Variants in MEX3C observed in about 807,000 individuals in gnomAD.
MEX3C encodes mex-3 RNA binding family member C.
Under a neutral mutation model 35.5 loss-of-function variants are expected in MEX3C, and 15 were observed. That is an observed-to-expected ratio of 0.42 (90% CI 0.28 to 0.65). MEX3C has a LOEUF of 0.65. MEX3C is among the 30% of genes least tolerant of loss of function. The pLI, the probability that MEX3C is intolerant of heterozygous loss-of-function variation, is 0.20. For missense variants in MEX3C, 711 were observed against 842.8 expected, an observed-to-expected ratio of 0.84 and a Z score of 1.94; for synonymous variants, 390 against 352.8, an observed-to-expected ratio of 1.11 and a Z score of -1.18.
At position 51,176,019 on chromosome 18, in the gene MEX3C, T is replaced by G. The variant is rs949214958; in HGVS notation, c.*332A>C. ...CTTTGGGACCCATTGTTTTGAAATC[T>G]TAGACGTATACACTTTTTCATAGGC... On this transcript the variant is annotated 3_prime_UTR_variant, in exon 2 of 2. Transcript: ENST00000406189. 1 of 196,522 alleles carries G rather than the reference T, an allele frequency of 5.1e-6. No individual in the cohort carries two copies. Among genetic ancestry groups the G allele is most frequent in the African/African-American group, 2.3e-5 (1 of 42,864 alleles). 12.2% of individuals were successfully genotyped at this position (196,522 alleles called of 1,614,324 possible).
chr18:51,178,663 T>TAACATGGTG (rs935448603), intron 1 of MEX3C, among the ~76,000 whole-genome samples: 1 of 151,896 alleles, frequency 6.6e-6, no homozygotes, highest in African/African-American at 2.4e-5. Flanking sequence ...CCAGGCTGAC[T>TAACATGGTG]AACATGGTGA....
intron 1 of MEX3C, among the ~76,000 whole-genome samples, chr18:51,178,584 C>T (rs1364861216): frequency 6.6e-6 from 1 of 152,060 alleles, no homozygotes; most frequent in African/African-American, 2.4e-5. Flanking sequence ...AATAAAGAAG[C>T]TAGGTGCTGT....
intron 1 of MEX3C, among the ~76,000 whole-genome samples, chr18:51,178,129 TA>T (rs199644325): frequency 9.8e-4 from 145 of 147,902 alleles, no homozygotes; most frequent in African/African-American, 2.8e-3. Flanking sequence ...AGGGCTGGAA[TA>T]AAAAAAAAAG....
Position 51,197,271 on chromosome 18 carries a change from G to T in MEX3C, c.50C>A (p.Pro17His). 4.7e-6 allele frequency: 4 copies of T among 846,466 alleles called. No homozygotes were observed. The highest frequency in any genetic ancestry group is 5.7e-6 in the Non-Finnish European group (4 of 706,274). The allele number at this position is 846,466 out of a possible 1,614,324, so 52.4% of individuals were successfully genotyped here. ...CGGCGGCGGGGGCGGCTGCGGCAGG[G>T]GGGCCGGGGCCGCCGCCAGGGCCAG... ...AALALAAAPAPLPQPPPPPPP... is the reference protein window; with the variant it reads ...AALALAAAPAHLPQPPPPPPP... The change falls in exon 1 of 2, where the codon CCC (proline) becomes CAC (histidine). Residue 17 changes from proline (P) to histidine (H), a missense_variant. Pro to His is a moderately conservative substitution (Grantham distance 77). This residue lies in a region of MEX3C where 354 missense variants were observed against 311.6 expected (regional missense o/e 1.14). Transcript: ENST00000406189.
At chr18:51,194,641 G>C (rs771864177) in intron 1 of MEX3C, 1 of 152,152 alleles carries the variant, frequency 6.6e-6, no homozygotes, top group African/African-American at 2.4e-5. Flanking sequence ...ATGTTATCTT[G>C]TCCTTCAGTA....
At chr18:51,194,130 T>C (rs1912721941) in intron 1 of MEX3C, 1 of 152,220 alleles carries the variant, frequency 6.6e-6, no homozygotes, top group Non-Finnish European at 1.5e-5. Context: ...TGTAAAAGAA[T>C]GTGAACATTA....
chr18:51,197,552 G>A lies in MEX3C; in HGVS notation c.-232C>T, dbSNP rs1912851005. Reference sequence around the variant, plus strand: ...GAGGTAGGTAACTAGGTGGGTGGGTGGGGACGGCGGCGGGGCGGGCTGGTG... The same window carrying A: ...GAGGTAGGTAACTAGGTGGGTGGGTAGGGACGGCGGCGGGGCGGGCTGGTG... On this transcript the variant is annotated 5_prime_UTR_variant, in exon 1 of 2. Transcript: ENST00000406189. 6.7e-6 allele frequency among the ~76,000 whole-genome samples: 1 copy of A among 149,656 alleles called. No homozygotes were observed. The highest frequency in any genetic ancestry group is 6.6e-5 in the Admixed American group (1 of 15,130).
intron 1 of MEX3C, among the ~76,000 whole-genome samples, chr18:51,189,607 T>C (rs1599255957): frequency 6.6e-6 from 1 of 152,188 alleles, no homozygotes; most frequent in East Asian, 1.9e-4. Flanking sequence ...AAAAGTTTTA[T>C]TATTTGGCCT....
At chr18:51,184,260 T>A (rs1006936465) in intron 1 of MEX3C, among the ~76,000 whole-genome samples, 1 of 152,182 alleles carries the variant, frequency 6.6e-6, no homozygotes, top group African/African-American at 2.4e-5. Flanking sequence ...GGTGAGGACA[T>A]GAGCCGCAGA....
Position 51,177,045 on chromosome 18 carries a change from T to C in MEX3C, c.1286A>G (p.Asn429Ser). The C allele has an allele frequency of 2.5e-6, 4 of 1,613,978 alleles. No homozygotes were observed. The highest frequency in any genetic ancestry group is 2.5e-6 in the Non-Finnish European group (3 of 1,179,884). Residue 429 changes from asparagine (N) to serine (S), a missense_variant, in exon 2 of 2, where the codon AAT becomes AGT. Physicochemically the swap from Asn to Ser is conservative, Grantham distance 46. This residue lies in a region of MEX3C where 187 missense variants were observed against 201.7 expected (regional missense o/e 0.93). Transcript: ENST00000406189. This position sits in a 1 kb window ranked among gnomAD's most constrained non-coding sequence, Gnocchi z 4.2. ...TCTTGCGCGGCTAGGAGGAACAGGA[T>C]TGGAGGAGAGCCACGCAGAGCCAAG... ...GTLGSAWLSS[N>S]PVPPSRARMI... is the part of the protein sequence containing the mutation.
At chr18:51,180,838 C>G (rs559334053) in intron 1 of MEX3C, among the ~76,000 whole-genome samples, 2 of 152,276 alleles carry the variant, frequency 1.3e-5, no homozygotes, top group Non-Finnish European at 2.9e-5. Context: ...TTCTTCACTT[C>G]CCTAAATCTT....
chr18:51,175,033 A>G lies in MEX3C; in HGVS notation c.*1318T>C, dbSNP rs1912267716. ...CATCAAGGCAACTTTTTTTATACTGAAAAAATCAAAATAAAAACCGTTATT... is the reference window on the plus strand; with the variant it reads ...CATCAAGGCAACTTTTTTTATACTGGAAAAATCAAAATAAAAACCGTTATT... On this transcript the variant is annotated 3_prime_UTR_variant, in exon 2 of 2. Coordinates refer to ENST00000406189, the MANE Select transcript of MEX3C (RefSeq NM_016626.5). 1 of 152,678 alleles carries G rather than the reference A, an allele frequency of 6.5e-6. No homozygotes were observed. The highest frequency in any genetic ancestry group is 2.4e-5 in the African/African-American group (1 of 41,462). The allele number at this position is 152,678 out of a possible 1,614,324, so 9.5% of individuals were successfully genotyped here. A position where few individuals can be genotyped will look rare whatever the true frequency, so the allele number is the denominator to read the frequency against.
In MEX3C at chr18:51,196,638, T is replaced by C. The variant is rs1912796026; in HGVS notation, c.683A>G (p.Lys228Arg). The change falls in exon 1 of 2, where the codon AAG (lysine) becomes AGG (arginine). Residue 228 changes from lysine to arginine, a missense_variant. Lys to Arg is a conservative substitution (Grantham distance 26, BLOSUM62 2). Coordinates refer to ENST00000406189, the MANE Select transcript of MEX3C (RefSeq NM_016626.5). Reference sequence around the variant, plus strand: ...GACGCACTCGGTGGTGTTGACGCTCTTTCTCCGGAGCAGGGCCGCCTGCTC... The same window carrying C: ...GACGCACTCGGTGGTGTTGACGCTCCTTCTCCGGAGCAGGGCCGCCTGCTC... ...NGEQAALLRR[K>R]SVNTTECVPV... is the part of the protein sequence containing the mutation. 4 of 1,584,576 alleles carry C rather than the reference T, an allele frequency of 2.5e-6. No individual in the cohort carries two copies. Among genetic ancestry groups the C allele is most frequent in the Admixed American group, 1.7e-5 (1 of 57,800 alleles).
At chr18:51,184,010 T>A (rs113984830) in intron 1 of MEX3C, among the ~76,000 whole-genome samples, 1,954 of 147,596 alleles carry the variant, frequency 0.013, 13 homozygotes, top group African/African-American at 0.022. Context: ...CTTAAAAAAA[T>A]TTTTTTTTTT....
chr18:51,196,764 A>ACCCCCG lies in MEX3C; in HGVS notation c.551_556dup (p.Ala184_Gly185dup). On this transcript the variant is annotated inframe_insertion, in exon 1 of 2. Coordinates refer to ENST00000406189, the MANE Select transcript of MEX3C (RefSeq NM_016626.5). ...CTGGGCATCGTCCCCTCCGTACAGCACCCCCGCCGCCGCCGCCGCGGCCGC... is the reference window on the plus strand; with the variant it reads ...CTGGGCATCGTCCCCTCCGTACAGCACCCCCGCCCCCGCCGCCGCCGCCGCGGCCGC... 5 of 1,494,072 alleles carry ACCCCCG rather than the reference A, an allele frequency of 3.3e-6. No individual in the cohort carries two copies. The highest frequency in any genetic ancestry group is 4.5e-6 in the Non-Finnish European group (5 of 1,120,914). The allele number at this position is 1,494,072 out of a possible 1,614,324, so 92.6% of individuals were successfully genotyped here. A position where few individuals can be genotyped will look rare whatever the true frequency, so the allele number is the denominator to read the frequency against.
rs969569051 is a variant in MEX3C, at chr18:51,191,405, G to A, written c.754+5162C>T. On this transcript the variant is annotated intron_variant, in intron 1 of 1. Transcript: ENST00000406189. Reference sequence around the variant, plus strand: ...GAGATGGTGGCTGCTGTTGGCCTGTGTCCCTGAATGACTAAAATGAGCAGA... The same window carrying A: ...GAGATGGTGGCTGCTGTTGGCCTGTATCCCTGAATGACTAAAATGAGCAGA... 3.9e-5 allele frequency among the ~76,000 whole-genome samples: 6 copies of A among 152,244 alleles called. No individual in the cohort carries two copies. The East Asian group carries it at 1.2e-3, about 29-fold the overall frequency.
chr18:51,196,611 G>A lies in MEX3C; in HGVS notation c.710C>T (p.Pro237Leu). The A allele has an allele frequency of 6.3e-7, 1 of 1,593,186 alleles. No homozygotes were observed. The highest frequency in any genetic ancestry group is 8.5e-7 in the Non-Finnish European group (1 of 1,175,058). ...GGCGACGTGCTCGGAGCTGGGCACC[G>A]GGACGCACTCGGTGGTGTTGACGCT... ...RKSVNTTECV[P>L]VPSSEHVAEI... The change falls in exon 1 of 2, where the codon CCG becomes CTG. Residue 237 changes from proline (P) to leucine (L), a missense_variant. By Grantham distance (98) the Pro-to-Leu change is moderately conservative (BLOSUM62 -3). Transcript: ENST00000406189.
At position 51,176,346 on chromosome 18, in the gene MEX3C, T is replaced by C. The variant is rs926435791; in HGVS notation, c.*5A>G. The C allele has an allele frequency of 8.7e-6, 14 of 1,607,404 alleles. No individual in the cohort carries two copies. Among genetic ancestry groups the C allele is most frequent in the Non-Finnish European group, 1.2e-5 (14 of 1,176,548 alleles). On this transcript the variant is annotated 3_prime_UTR_variant, in exon 2 of 2. Transcript: ENST00000406189. ...GAGATATAGTATTTATGTATATATATATAGTTAAGAGTGAATTTGGATTGC... is the reference window on the plus strand; with the variant it reads ...GAGATATAGTATTTATGTATATATACATAGTTAAGAGTGAATTTGGATTGC...
chr18:51,196,569 T>C lies in MEX3C; in HGVS notation c.752A>G (p.Gln251Arg). 6.3e-7 allele frequency: 1 copy of C among 1,582,204 alleles called. No individual in the cohort carries two copies. The highest frequency in any genetic ancestry group is 8.5e-7 in the Non-Finnish European group (1 of 1,171,012). ...SEHVAEIVGR[Q>R]GCKIKALRAK... is the part of the protein sequence containing the mutation. Reference sequence around the variant, plus strand: ...GACCTCCCCACCCCTGCACTCACCCTGGCGGCCGACGATCTCGGCGACGTG... The same window carrying C: ...GACCTCCCCACCCCTGCACTCACCCCGGCGGCCGACGATCTCGGCGACGTG... Residue 251 changes from glutamine (Q) to arginine (R), a missense_variant and splice_region_variant, in exon 1 of 2, where the codon CAG (glutamine) becomes CGG (arginine). Physicochemically the swap from Gln to Arg is conservative, Grantham distance 43 (BLOSUM62 1). Around this residue, in one of 4 missense-constraint regions of MEX3C, gnomAD observed 83 missense variants for 179.1 expected, o/e 0.46. Transcript: ENST00000406189.
Sources: allele counts gnomAD v4.1 joint callset (sites outside exome capture counted in the v4.1 genomes callset), GRCh38; gene constraint gnomAD v4.1.1; regional missense constraint gnomAD v4.1.1; non-coding constraint Gnocchi (gnomAD v3.1); transcripts MANE v1.5; gene names NCBI Gene and HGNC (gene_info 2026-07-23, HGNC 2026-07-21).